Variants in ZFHX3 observed in about 807,000 individuals in gnomAD.
ZFHX3 encodes zinc finger homeobox 3.
ZFHX3 carries 42 observed loss-of-function variants against 279.1 expected under a neutral mutation model. The ratio of observed to expected loss-of-function variants is 0.15; its 90% confidence interval spans 0.12 to 0.19. The LOEUF is 0.19. Ranked by LOEUF, ZFHX3 falls within the 10% of genes least tolerant of loss-of-function variation. ZFHX3 has a pLI of 1.00. For missense variants in ZFHX3, 4,981 were observed against 4,754.0 expected, an observed-to-expected ratio of 1.05 and a Z score of -1.40; for synonymous variants, 2,293 against 1,957.8, an observed-to-expected ratio of 1.17 and a Z score of -4.52.
At chr16:73,380,488 G>C (rs904734672) in intron 3 of ZFHX3, among the ~76,000 whole-genome samples, 3 of 152,152 alleles carry the variant, frequency 2.0e-5, no homozygotes, top group Non-Finnish European at 2.9e-5. Context: ...TATCACTTTT[G>C]TGTTGATATA....
intron 5 of ZFHX3, among the ~76,000 whole-genome samples, chr16:73,172,082 T>C (rs1597201369): frequency 6.6e-6 from 1 of 152,066 alleles, no homozygotes; most frequent in Non-Finnish European, 1.5e-5. Context: ...CCACCCCTCC[T>C]CCACCCGCCT....
At chr16:73,445,792 G>A (rs1395781644) in intron 3 of ZFHX3, among the ~76,000 whole-genome samples, 1 of 152,128 alleles carries the variant, frequency 6.6e-6, no homozygotes, top group African/African-American at 2.4e-5. Context: ...CCTGGGAGCA[G>A]GTGTCCAAAT....
At chr16:73,541,368 C>G (rs948686827) in intron 2 of ZFHX3, among the ~76,000 whole-genome samples, 2 of 152,034 alleles carry the variant, frequency 1.3e-5, no homozygotes, top group Non-Finnish European at 2.9e-5. Flanking sequence ...CACCTGTGGT[C>G]CCAGCTACTC....
chr16:73,569,525 C>T (rs2051713376), intron 2 of ZFHX3, among the ~76,000 whole-genome samples: 1 of 151,764 alleles, frequency 6.6e-6, no homozygotes. Context: ...CCAATCCAAG[C>T]TTTGATTGTT....
chr16:73,847,480 ACT>A (rs549560120), intron 1 of ZFHX3, among the ~76,000 whole-genome samples: 45 of 152,132 alleles, frequency 3.0e-4, no homozygotes, highest in African/African-American at 1.1e-3. Flanking sequence ...GGCCAGAGAG[ACT>A]CATCCAATCT....
At chr16:73,238,643 T>C (rs1361668266) in intron 5 of ZFHX3, among the ~76,000 whole-genome samples, 1 of 152,146 alleles carries the variant, frequency 6.6e-6, no homozygotes, top group Non-Finnish European at 1.5e-5. Context: ...GCAAATGTGA[T>C]TATCTTGCTC....
At chr16:73,788,522 CTT>C (rs1238775893) in intron 1 of ZFHX3, among the ~76,000 whole-genome samples, 3 of 152,128 alleles carry the variant, frequency 2.0e-5, no homozygotes, top group Non-Finnish European at 2.9e-5. Context: ...CATCATTACT[CTT>C]GTGTGTTGTA....
At chr16:72,998,526 T>A (rs1963373907) in intron 1 of ZFHX3, among the ~76,000 whole-genome samples, 1 of 152,254 alleles carries the variant, frequency 6.6e-6, no homozygotes, top group Non-Finnish European at 1.5e-5. Flanking sequence ...TTAAGACAGT[T>A]TCCCCTTGTT....
chr16:73,015,231 G>C (rs1964059085), intron 1 of ZFHX3: 1 of 151,858 alleles, frequency 6.6e-6, no homozygotes, highest in Admixed American at 6.6e-5. Context: ...ATTTCTTGTA[G>C]AGACAGGGTT....
At chr16:73,145,055 C>G (rs1966857227) in intron 5 of ZFHX3, among the ~76,000 whole-genome samples, 1 of 152,206 alleles carries the variant, frequency 6.6e-6, no homozygotes, top group African/African-American at 2.4e-5. Flanking sequence ...GTGACAACGG[C>G]TATCCCTGTG....
intron 2 of ZFHX3, among the ~76,000 whole-genome samples, chr16:73,633,555 G>A (rs1232049988): frequency 2.0e-5 from 3 of 152,076 alleles, no homozygotes; most frequent in African/African-American, 7.2e-5. Flanking sequence ...CTGGGTGGTG[G>A]GTATATGCGG....
intron 2 of ZFHX3, among the ~76,000 whole-genome samples, chr16:73,513,775 G>A (rs1054738199): frequency 2.0e-5 from 3 of 152,100 alleles, no homozygotes; most frequent in African/African-American, 7.2e-5. Context: ...ACTTACGGAT[G>A]GACTTATGGG....
intron 6 of ZFHX3, chr16:73,131,124 T>C (rs1490217976): frequency 3.8e-6 from 2 of 526,924 alleles, no homozygotes; most frequent in Non-Finnish European, 7.1e-6. Context: ...ATAGGACTTG[T>C]TTTCTAGGGT....
chr16:72,831,544 T>C (rs757603059), intron 4 of ZFHX3, among the ~76,000 whole-genome samples: 2 of 152,194 alleles, frequency 1.3e-5, no homozygotes, highest in Non-Finnish European at 2.9e-5. Flanking sequence ...GAGCCCCACA[T>C]TGACACCATA....
chr16:72,963,321 T>TA (rs1164888448), intron 1 of ZFHX3, among the ~76,000 whole-genome samples: 1 of 152,100 alleles, frequency 6.6e-6, no homozygotes, highest in East Asian at 1.9e-4. Flanking sequence ...GAACTCCCTC[T>TA]AAAAAATGTC....
rs145509946 is a variant in ZFHX3 at position 73,833,071 on chromosome 16, C to G, written c.-1608+58580G>C. Among the ~76,000 whole-genome samples the G allele has an allele frequency of 1.8e-3, 280 of 152,300 alleles. 2 individuals carry two copies. The highest frequency in any genetic ancestry group is 8.1e-3 in the South Asian group (39 of 4,830). Reference sequence around the variant, plus strand: ...TAGTTGTAGATCAGTTTTACATAGGCTTCTAGCAATTATTTCAAAAATTTA... The same window carrying G: ...TAGTTGTAGATCAGTTTTACATAGGGTTCTAGCAATTATTTCAAAAATTTA... On this transcript the variant is annotated intron_variant, in intron 1 of 17. Coordinates refer to the ZFHX3 transcript ENST00000641206.
At chr16:73,652,777 A>G (rs1249343283) in intron 2 of ZFHX3, among the ~76,000 whole-genome samples, 33 of 152,190 alleles carry the variant, frequency 2.2e-4, no homozygotes, top group Admixed American at 2.2e-3. Context: ...AATAAATAAA[A>G]GAATGAAAAT....
chr16:73,867,416 T>G (rs985445765), intron 1 of ZFHX3, among the ~76,000 whole-genome samples: 1 of 152,100 alleles, frequency 6.6e-6, no homozygotes, highest in African/African-American at 2.4e-5. Flanking sequence ...GCTCACCACT[T>G]GCAAAGCCGA....
intron 2 of ZFHX3, chr16:73,483,505 G>A: frequency 2.5e-6 from 1 of 402,576 alleles, no homozygotes; most frequent in Non-Finnish European, 4.9e-6. Flanking sequence ...CCTCGACGCT[G>A]AACAAATAGG....
Sources: gnomAD v4.1 joint callset for allele counts (sites outside exome capture counted in the v4.1 genomes callset) on GRCh38, gnomAD v4.1.1 for gene constraint, MANE v1.5 for transcripts, NCBI Gene and HGNC (gene_info 2026-07-23, HGNC 2026-07-21) for gene names.